Variants in SMAP1 observed in about 807,000 individuals in gnomAD.
SMAP1 encodes the protein stromal membrane-associated protein 1.
A neutral mutation model predicts 58.5 loss-of-function variants in SMAP1; 24 were observed. The ratio of observed to expected loss-of-function variants is 0.41; its 90% CI spans 0.30 to 0.58. The LOEUF (loss-of-function observed/expected upper bound fraction) is 0.58, where lower values mean the gene tolerates loss of function less well. SMAP1 is among the 20% of genes least tolerant of loss of function. SMAP1 has a pLI of 0.29. For missense variants in SMAP1, 563 were observed against 566.3 expected (o/e 0.99, Z 0.06); for synonymous variants, 216 against 196.6 (o/e 1.10, Z -0.82).
At chr6:70,784,176 G>C (rs1225793005) in intron 4 of SMAP1, among the ~76,000 whole-genome samples, 5 of 152,118 alleles carry the variant, frequency 3.3e-5, no homozygotes, top group Non-Finnish European at 5.9e-5. Flanking sequence ...GAATTTTCAA[G>C]CCAGAATTTC....
intron 2 of SMAP1, among the ~76,000 whole-genome samples, chr6:70,738,714 C>A (rs1443138298): frequency 1.3e-5 from 2 of 152,000 alleles, no homozygotes; most frequent in Non-Finnish European, 2.9e-5. Context: ...CTTAGTCAGG[C>A]CAAATACAGA....
intron 3 of SMAP1, among the ~76,000 whole-genome samples, chr6:70,760,130 T>C (rs929685582): frequency 6.6e-6 from 1 of 152,110 alleles, no homozygotes; most frequent in African/African-American, 2.4e-5. Context: ...TAAGTCTTGA[T>C]TGCCTTTGAA....
chr6:70,814,476 A>G (rs1386602968), intron 6 of SMAP1, among the ~76,000 whole-genome samples: 10 of 152,168 alleles, frequency 6.6e-5, no homozygotes, highest in Admixed American at 6.6e-4. Context: ...AATGCTCTCA[A>G]GACCTTTCAT....
intron 1 of SMAP1, among the ~76,000 whole-genome samples, chr6:70,702,800 T>G (rs978442479): frequency 6.6e-6 from 1 of 151,980 alleles, no homozygotes; most frequent in African/African-American, 2.4e-5. Flanking sequence ...CTGGTTAATT[T>G]TTGTGTTTGT....
At chr6:70,844,323 G>C (rs1031835476) in intron 7 of SMAP1, among the ~76,000 whole-genome samples, 1 of 151,742 alleles carries the variant, frequency 6.6e-6, no homozygotes, top group Non-Finnish European at 1.5e-5. Flanking sequence ...ATCAGAGTGC[G>C]TGTGTGTGTG....
intron 3 of SMAP1, among the ~76,000 whole-genome samples, chr6:70,763,263 TA>T (rs1766830906): frequency 6.6e-6 from 1 of 152,064 alleles, no homozygotes; most frequent in Non-Finnish European, 1.5e-5. Flanking sequence ...TTTTTATTAG[TA>T]GTATATCTTT....
At chr6:70,769,297 G>C (rs1440033105) in intron 3 of SMAP1, among the ~76,000 whole-genome samples, 1 of 152,116 alleles carries the variant, frequency 6.6e-6, no homozygotes, top group Non-Finnish European at 1.5e-5. Context: ...TTCAATTCCT[G>C]GGTATCCTTG....
At chr6:70,739,704 T>C (rs1280063661) in intron 2 of SMAP1, among the ~76,000 whole-genome samples, 1 of 152,128 alleles carries the variant, frequency 6.6e-6, no homozygotes, top group African/African-American at 2.4e-5. Context: ...CAGTGACTCC[T>C]CTTACCTGTA....
At chr6:70,856,503 C>T (rs551056858) in intron 8 of SMAP1, among the ~76,000 whole-genome samples, 1 of 152,296 alleles carries the variant, frequency 6.6e-6, no homozygotes, top group African/African-American at 2.4e-5. Context: ...CCAAAGGATA[C>T]CAGTTTCTTG....
At chr6:70,715,319 C>T (rs1768223079) in intron 1 of SMAP1, among the ~76,000 whole-genome samples, 1 of 152,054 alleles carries the variant, frequency 6.6e-6, no homozygotes, top group African/African-American at 2.4e-5. Context: ...TGGTCTCAAA[C>T]TCCTGGGCTC....
intron 1 of SMAP1, among the ~76,000 whole-genome samples, chr6:70,683,786 A>G (rs1294487134): frequency 6.6e-6 from 1 of 152,224 alleles, no homozygotes; most frequent in Non-Finnish European, 1.5e-5. Context: ...AGAGACCTGT[A>G]TGGTATCTGT....
At chr6:70,806,056 A>G (rs1478044491) in intron 6 of SMAP1, among the ~76,000 whole-genome samples, 1 of 152,178 alleles carries the variant, frequency 6.6e-6, no homozygotes, top group Non-Finnish European at 1.5e-5. Context: ...TCAGACAGGC[A>G]CGTTTAAGTC....
chr6:70,794,788 CTTT>C (rs34050089), intron 5 of SMAP1, among the ~76,000 whole-genome samples: 1 of 114,968 alleles, frequency 8.7e-6, no homozygotes, highest in Admixed American at 9.1e-5. Context: ...ATTTTCTTTT[CTTT>C]TTTTTTTTTT....
chr6:70,708,575 C>G (rs1165263719), intron 1 of SMAP1, among the ~76,000 whole-genome samples: 1 of 152,148 alleles, frequency 6.6e-6, no homozygotes, highest in Non-Finnish European at 1.5e-5. Context: ...AATTTACATT[C>G]ATACCAATAG....
rs150417662 is a variant in SMAP1 at position 70,812,474 on chromosome 6, C to T, written c.576+13737C>T. On this transcript the variant is annotated intron_variant, in intron 6 of 10. Coordinates refer to ENST00000370455, the MANE Select transcript of SMAP1 (RefSeq NM_001044305.3). ...GCCACAGAAACCATTGGCCTGTAGC[C>T]GTACACTTTGTTATTCTTCATCTTC... Among the ~76,000 whole-genome samples the T allele has an allele frequency of 3.2e-4, 48 of 152,206 alleles. No homozygotes were observed. The East Asian group carries it at 6.6e-3, about 21-fold the overall frequency.
intron 6 of SMAP1, among the ~76,000 whole-genome samples, chr6:70,807,108 G>T (rs1381735323): frequency 1.3e-5 from 2 of 152,216 alleles, no homozygotes; most frequent in African/African-American, 4.8e-5. Context: ...ATGCTAACTA[G>T]GGAATTAATA....
At chr6:70,785,000 A>G (rs1562158771) in intron 4 of SMAP1, among the ~76,000 whole-genome samples, 1 of 152,100 alleles carries the variant, frequency 6.6e-6, no homozygotes, top group Admixed American at 6.5e-5. Flanking sequence ...CAGAATATAC[A>G]TTTTTTTCAG....
chr6:70,859,427 G>A (rs773716864), intron 10 of SMAP1: 16 of 1,513,582 alleles, frequency 1.1e-5, no homozygotes, highest in South Asian at 8.5e-5. Context: ...GTATGAAGAC[G>A]TGATCTGCTT....
intron 5 of SMAP1, 85 bp from the exon 6 acceptor site, chr6:70,798,572 A>G (rs1382283063): frequency 2.0e-6 from 2 of 977,210 alleles, no homozygotes; most frequent in Non-Finnish European, 3.0e-6. Context: ...CCTTTTTCAG[A>G]TGATTACTCA....
Sources: gnomAD v4.1 joint callset for allele counts (sites outside exome capture counted in the v4.1 genomes callset) on GRCh38, gnomAD v4.1.1 for gene constraint, MANE v1.5 for transcripts, NCBI Gene and HGNC (gene_info 2026-07-23, HGNC 2026-07-21) for gene names.